PMF1: variants seen among roughly 807,000 people sequenced by gnomAD.
PMF1 encodes polyamine modulated factor 1.
In PMF1, 21 loss-of-function variants were observed where a neutral mutation model predicts 26.7. The observed-to-expected ratio is 0.79, with a 90% confidence interval of 0.56 to 1.13. PMF1 has a LOEUF of 1.13. Among genes scored for constraint, PMF1 ranks in the 50% most tolerant of loss-of-function variants. The pLI is 0.00. For missense variants in PMF1, 266 were observed against 254.9 expected (o/e 1.04, Z -0.30); for synonymous variants, 105 against 101.0 (o/e 1.04, Z -0.24).
chr1:156,213,462 C>A (rs1439426898), intron 1 of PMF1, among the ~76,000 whole-genome samples: 1 of 152,174 alleles, frequency 6.6e-6, no homozygotes, highest in Non-Finnish European at 1.5e-5. Flanking sequence ...CAAATTAGAG[C>A]AGGGTTTTTT....
At position 156,226,454 on chromosome 1, in the gene PMF1, T is replaced by C. The variant is rs368997817; in HGVS notation, c.162-5866T>C. On this transcript the variant is annotated intron_variant, in intron 1 of 4. Transcript: ENST00000368277. ...TACCCCTGCTGGGTTGGTTTCTGCA[T>C]GTGCAATTGCACACAAGCCTCATTC... is the stretch of plus-strand genomic sequence containing the variant. 1.6e-4 allele frequency among the ~76,000 whole-genome samples: 24 copies of C among 152,378 alleles called. No individual in the cohort carries two copies. In the South Asian group the frequency reaches 4.3e-3, roughly 28 times the overall value.
At chr1:156,233,567 A>C in intron 2 of PMF1, 61 bp from the exon 3 acceptor site, 1 of 1,543,834 alleles carries the variant, frequency 6.5e-7, no homozygotes, top group South Asian at 1.1e-5. Flanking sequence ...TCAGCAGTTT[A>C]GCATATTTTT....
chr1:156,232,523 C>T (rs1217171586), intron 2 of PMF1, 98 bp downstream of exon 2: 2 of 1,151,044 alleles, frequency 1.7e-6, no homozygotes, highest in Non-Finnish European at 2.6e-6. Context: ...ACACCTCTGT[C>T]TCCTCAGCCC....
intron 1 of PMF1, among the ~76,000 whole-genome samples, chr1:156,218,381 A>T (rs1330208338): frequency 6.6e-6 from 1 of 152,214 alleles, no homozygotes; most frequent in Non-Finnish European, 1.5e-5. Context: ...TAAGAGGATG[A>T]CACAGAAGGG....
At chr1:156,224,702 TGTA>T (rs1658258959) in intron 1 of PMF1, among the ~76,000 whole-genome samples, 1 of 151,224 alleles carries the variant, frequency 6.6e-6, no homozygotes, top group Admixed American at 6.6e-5. Context: ...AGGCGGAGCT[TGTA>T]GTGAGCCGAG....
chr1:156,238,752 C>T (rs1385053606), intron 4 of PMF1, among the ~76,000 whole-genome samples: 1 of 152,220 alleles, frequency 6.6e-6, no homozygotes, highest in Non-Finnish European at 1.5e-5. Context: ...AGGGCCCCGG[C>T]TGGGAGGCAG....
intron 1 of PMF1, among the ~76,000 whole-genome samples, chr1:156,226,020 A>AC (rs1658353627): frequency 6.6e-6 from 1 of 151,860 alleles, no homozygotes; most frequent in Non-Finnish European, 1.5e-5. Flanking sequence ...ACACCTGGTT[A>AC]ATTTTTGTAT....
chr1:156,225,111 G>A (rs1362156279), intron 1 of PMF1, among the ~76,000 whole-genome samples: 1 of 151,922 alleles, frequency 6.6e-6, no homozygotes, highest in Non-Finnish European at 1.5e-5. Context: ...TATTGGCCAG[G>A]CTGGTCTCGA....
At chr1:156,238,720 A>C (rs1162490947) in intron 4 of PMF1, among the ~76,000 whole-genome samples, 2 of 152,206 alleles carry the variant, frequency 1.3e-5, no homozygotes, top group East Asian at 3.8e-4. Flanking sequence ...CTGTAGCCTG[A>C]AGGCCCTGCT....
At chr1:156,214,698 G>A (rs1657590638) in intron 1 of PMF1, among the ~76,000 whole-genome samples, 1 of 150,868 alleles carries the variant, frequency 6.6e-6, no homozygotes, top group African/African-American at 2.4e-5. Flanking sequence ...AGTTATAACA[G>A]CCCCATTGCA....
intron 3 of PMF1, 54 bp downstream of exon 3, chr1:156,233,782 T>A (rs1041342327): frequency 1.4e-4 from 49 of 350,322 alleles, no homozygotes; most frequent in Admixed American, 3.4e-4. Context: ...GCAATTAAGC[T>A]TTTTTTTTTT....
intron 1 of PMF1, among the ~76,000 whole-genome samples, chr1:156,216,453 C>T (rs1161111148): frequency 1.3e-5 from 2 of 151,650 alleles, no homozygotes; most frequent in Admixed American, 6.6e-5. Context: ...GACACGCTGT[C>T]CTCTGGCGAC....
intron 1 of PMF1, among the ~76,000 whole-genome samples, chr1:156,227,578 T>G (rs1249655081): frequency 8.7e-5 from 13 of 149,510 alleles, no homozygotes; most frequent in Non-Finnish European, 8.9e-5. Context: ...CTCACCGCAA[T>G]CTCCGCCTCC....
intron 1 of PMF1, among the ~76,000 whole-genome samples, chr1:156,228,246 G>A (rs1437169821): frequency 3.3e-5 from 4 of 120,962 alleles, no homozygotes; most frequent in African/African-American, 9.7e-5. Context: ...GTGAGCCACC[G>A]CACCTGGCGA....
intron 1 of PMF1, among the ~76,000 whole-genome samples, chr1:156,227,503 TA>T (rs1558193334): frequency 1.6e-5 from 1 of 63,126 alleles, no homozygotes; most frequent in African/African-American, 6.7e-5. Context: ...TATTTTATTT[TA>T]TTTTTTTTTT....
chr1:156,233,377 G>A (rs1367583270), intron 2 of PMF1, among the ~76,000 whole-genome samples: 3 of 149,186 alleles, frequency 2.0e-5, no homozygotes, highest in Non-Finnish European at 4.4e-5. Context: ...GGCTGGTCTC[G>A]AACTCCTGGT....
intron 1 of PMF1, chr1:156,225,561 C>G: frequency 6.5e-7 from 1 of 1,543,146 alleles, no homozygotes; most frequent in Non-Finnish European, 8.8e-7. Flanking sequence ...TCTCAGCTCT[C>G]CACTCCTTCA....
chr1:156,217,590 A>T (rs969396944), intron 1 of PMF1, among the ~76,000 whole-genome samples: 1 of 152,078 alleles, frequency 6.6e-6, no homozygotes, highest in Non-Finnish European at 1.5e-5. Flanking sequence ...ACCGGGTGTC[A>T]TAATGCCCAC....
chr1:156,237,528 C>G (rs1345859822), intron 4 of PMF1, among the ~76,000 whole-genome samples: 6 of 147,222 alleles, frequency 4.1e-5, no homozygotes, highest in African/African-American at 1.5e-4. Context: ...CTCACTGCAA[C>G]CTCCACTTCC....
Sources: gnomAD v4.1 joint callset for allele counts (sites outside exome capture counted in the v4.1 genomes callset) on GRCh38, gnomAD v4.1.1 for gene constraint, MANE v1.5 for transcripts, NCBI Gene and HGNC (gene_info 2026-07-23, HGNC 2026-07-21) for gene names.